The following CBFA2T2 variants were observed in gnomAD, a reference collection of about 807,000 sequenced individuals.
The protein encoded by CBFA2T2 is protein CBFA2T2.
Under a neutral mutation model 62.2 loss-of-function variants are expected in CBFA2T2, and 11 were observed. The ratio of observed to expected loss-of-function variants is 0.18; its 90% confidence interval spans 0.11 to 0.29. CBFA2T2 has a LOEUF of 0.29. Ranked by LOEUF, CBFA2T2 falls within the 10% of genes least tolerant of loss-of-function variation. The pLI is 1.00. For synonymous variants in CBFA2T2, 295 were observed against 287.5 expected, an observed-to-expected ratio of 1.03 and a Z score of -0.27; for missense variants, 592 against 774.1, an observed-to-expected ratio of 0.76 and a Z score of 2.79.
intron 4 of CBFA2T2, among the ~76,000 whole-genome samples, chr20:33,620,346 C>CAA (rs760980806): frequency 1.3e-4 from 19 of 141,760 alleles, no homozygotes; most frequent in Non-Finnish European, 2.8e-4. Context: ...CCGTCTCTGC[C>CAA]AAAAAAAAAT....
chr20:33,612,434 A>C (rs1808298409), intron 3 of CBFA2T2, among the ~76,000 whole-genome samples: 2 of 152,218 alleles, frequency 1.3e-5, no homozygotes, highest in Non-Finnish European at 1.5e-5. Flanking sequence ...GACCCTGAAG[A>C]TTCTCCAGGA....
rs776503964 is a variant in CBFA2T2 at position 33,644,492 on chromosome 20, G to A, written c.1634G>A (p.Gly545Asp). Reference protein sequence around the residue: ...GQNLHGQSPHGQGRPLLPVGR... With the variant: ...GQNLHGQSPHDQGRPLLPVGR... The stretch of plus-strand genomic sequence containing the variant: ...AACCTGCATGGCCAGAGCCCCCACG[G>A]CCAGGGCCGGCCGCTGCTTCCTGTA... The change falls in exon 11 of 11, where the codon GGC becomes GAC. Residue 545 changes from glycine to aspartate, a missense_variant. Physicochemically the swap from Gly to Asp is moderately conservative, Grantham distance 94. This residue lies in a region of CBFA2T2 where 85 missense variants were observed against 99.0 expected (regional missense o/e 0.86). Transcript: ENST00000342704. The A allele has an allele frequency of 6.2e-7, 1 of 1,614,064 alleles. No individual in the cohort carries two copies. The highest frequency in any genetic ancestry group is 1.1e-5 in the South Asian group (1 of 91,078).
intron 1 of CBFA2T2, chr20:33,600,273 C>T (rs2015079542): frequency 7.3e-6 from 1 of 136,366 alleles, no homozygotes; most frequent in South Asian, 1.8e-4. Context: ...CTAACTGCAA[C>T]CTCCACCTCC....
intron 2 of CBFA2T2, among the ~76,000 whole-genome samples, chr20:33,608,318 G>T (rs1444169337): frequency 6.6e-6 from 1 of 152,226 alleles, no homozygotes; most frequent in Non-Finnish European, 1.5e-5. Context: ...CCCAAAAAGT[G>T]TCAGAGCACT....
chr20:33,640,835 G>A (rs945853194), intron 10 of CBFA2T2, among the ~76,000 whole-genome samples: 7 of 152,114 alleles, frequency 4.6e-5, no homozygotes, highest in Non-Finnish European at 1.0e-4. Flanking sequence ...GTGATTGCAC[G>A]ATGATGATGA....
intron 1 of CBFA2T2, among the ~76,000 whole-genome samples, chr20:33,557,762 C>A (rs1157357427): frequency 6.6e-6 from 1 of 151,978 alleles, no homozygotes; most frequent in Non-Finnish European, 1.5e-5. Flanking sequence ...CCACCTTGGC[C>A]TCTCAAAGTG....
chr20:33,600,457 G>T (rs991814628), intron 1 of CBFA2T2: 1 of 404,928 alleles, frequency 2.5e-6, no homozygotes, highest in South Asian at 1.7e-5. Flanking sequence ...CAACGTGCTG[G>T]GATTACAGGT....
intron 1 of CBFA2T2, among the ~76,000 whole-genome samples, chr20:33,598,089 G>A (rs1477132568): frequency 2.0e-5 from 3 of 152,130 alleles, no homozygotes; most frequent in African/African-American, 7.2e-5. Context: ...TACTTTACAA[G>A]GTAATAGAAT....
In CBFA2T2 at chr20:33,629,838, C is replaced by T; in HGVS notation, c.1152C>T (p.Asn384=). ...ACTGGAAAAGACGGTACAATGAAAACACAGAGCTGAGGAAAACGGGGACCG... is the reference window on the plus strand; with the variant it reads ...ACTGGAAAAGACGGTACAATGAAAATACAGAGCTGAGGAAAACGGGGACCG... ...LNYWKRRYNE[N]TELRKTGTEL... is the part of the protein sequence containing the mutation. The change falls in exon 8 of 11, where the codon AAC becomes AAT. Residue 384 remains asparagine, a synonymous_variant. Coordinates refer to ENST00000342704, the MANE Select transcript of CBFA2T2 (RefSeq NM_001032999.3). 6.2e-7 allele frequency: 1 copy of T among 1,614,118 alleles called. No individual in the cohort carries two copies. Among genetic ancestry groups the T allele is most frequent in the Non-Finnish European group, 8.5e-7 (1 of 1,180,034 alleles).
At chr20:33,640,609 CAGG>C in intron 10 of CBFA2T2, 78 bp downstream of exon 10, 1 of 1,270,902 alleles carries the variant, frequency 7.9e-7, no homozygotes, top group Non-Finnish European at 1.1e-6. Flanking sequence ...ATACGCTGGG[CAGG>C]AAGACACAGG....
chr20:33,506,483 A>C (rs1252413427), intron 1 of CBFA2T2, among the ~76,000 whole-genome samples: 1 of 152,182 alleles, frequency 6.6e-6, no homozygotes, highest in African/African-American at 2.4e-5. Flanking sequence ...TGTATTATGG[A>C]GCTGTTAGAT....
chr20:33,570,830 A>G (rs2146902482), intron 1 of CBFA2T2, among the ~76,000 whole-genome samples: 1 of 152,350 alleles, frequency 6.6e-6, no homozygotes, highest in Non-Finnish European at 1.5e-5. Flanking sequence ...TCTCATTCCT[A>G]GGGCTAATGC....
At chr20:33,617,118 C>T (rs995316166) in intron 3 of CBFA2T2, among the ~76,000 whole-genome samples, 3 of 152,112 alleles carry the variant, frequency 2.0e-5, no homozygotes, top group Admixed American at 2.0e-4. Flanking sequence ...CGCCTGTAAT[C>T]CCACCACTTT....
intron 1 of CBFA2T2, among the ~76,000 whole-genome samples, chr20:33,593,451 G>T (rs1378537871): frequency 1.2e-4 from 16 of 132,528 alleles, no homozygotes; most frequent in Non-Finnish European, 7.7e-5. Flanking sequence ...GCTGTGCAGT[G>T]ACATGGTCTC....
At chr20:33,529,373 C>G (rs1442975354) in intron 1 of CBFA2T2, among the ~76,000 whole-genome samples, 1 of 152,104 alleles carries the variant, frequency 6.6e-6, no homozygotes, top group Admixed American at 6.6e-5. Flanking sequence ...TCATGTTCTC[C>G]TTTGGTAACC....
At chr20:33,602,974 C>T (rs566173509) in intron 1 of CBFA2T2, among the ~76,000 whole-genome samples, 2 of 152,136 alleles carry the variant, frequency 1.3e-5, no homozygotes, top group East Asian at 3.8e-4. Context: ...ATACTCTGGA[C>T]AAAGGGATGA....
In CBFA2T2 at chr20:33,648,401, C is replaced by A. The variant is rs1180443633; in HGVS notation, c.*3755C>A. The A allele has an allele frequency of 2.6e-5, 4 of 152,212 alleles. No individual in the cohort carries two copies. Among genetic ancestry groups the A allele is most frequent in the African/African-American group, 9.7e-5 (4 of 41,340 alleles). 9.4% of individuals were successfully genotyped at this position (152,212 alleles called of 1,614,324 possible). ...GAGAAGACCAAAGATGCCAGATGTC[C>A]CCAGAGTTTCTTGAGGGCTGGGTTT... is the stretch of plus-strand genomic sequence containing the variant. On this transcript the variant is annotated 3_prime_UTR_variant, in exon 11 of 11. Coordinates refer to ENST00000342704, the MANE Select transcript of CBFA2T2 (RefSeq NM_001032999.3).
chr20:33,619,282 G>A (rs2015839015), intron 3 of CBFA2T2, among the ~76,000 whole-genome samples: 1 of 152,100 alleles, frequency 6.6e-6, no homozygotes, highest in Non-Finnish European at 1.5e-5. Context: ...CACTTTAGGA[G>A]GCCGAGGCGG....
intron 1 of CBFA2T2, among the ~76,000 whole-genome samples, chr20:33,528,804 G>T (rs1191246094): frequency 6.6e-6 from 1 of 152,062 alleles, no homozygotes; most frequent in African/African-American, 2.4e-5. Context: ...CCTCCAAAGT[G>T]TTGGGATTAC....
Sources: gnomAD v4.1 joint callset for allele counts (sites outside exome capture counted in the v4.1 genomes callset) on GRCh38, gnomAD v4.1.1 for gene constraint, gnomAD v4.1.1 regional missense constraint, MANE v1.5 for transcripts, NCBI Gene and HGNC (gene_info 2026-07-23, HGNC 2026-07-21) for gene names.